Variants in CCDC60 observed in about 807,000 individuals in gnomAD.
CCDC60 encodes the protein coiled-coil domain-containing protein 60.
Under a neutral mutation model 63.5 loss-of-function variants are expected in CCDC60, and 54 were observed. That is an observed-to-expected ratio of 0.85 (90% confidence interval 0.68 to 1.07). The LOEUF (loss-of-function observed/expected upper bound fraction) is 1.07, where lower values mean the gene tolerates loss of function less well. Among genes scored for constraint, CCDC60 ranks in the 50% least tolerant of loss-of-function variants. The pLI is 0.00. For missense variants in CCDC60, 651 were observed against 684.3 expected, an observed-to-expected ratio of 0.95 and a Z score of 0.54; for synonymous variants, 206 against 238.8, an observed-to-expected ratio of 0.86 and a Z score of 1.27.
intron 11 of CCDC60, 145 bp from the exon 12 acceptor site, chr12:119,528,470 A>G: frequency 2.1e-6 from 2 of 930,334 alleles, no homozygotes; most frequent in Non-Finnish European, 3.3e-6. Context: ...GGCAAAAGCC[A>G]GAGCCTAAGT....
chr12:119,432,347 G>T (rs1384289068), intron 2 of CCDC60, among the ~76,000 whole-genome samples: 1 of 152,232 alleles, frequency 6.6e-6, no homozygotes, highest in Non-Finnish European at 1.5e-5. Flanking sequence ...GCCCAGAGAT[G>T]TTCCAGGCTT....
chr12:119,464,558 C>A (rs985900899), intron 2 of CCDC60, among the ~76,000 whole-genome samples: 5 of 152,120 alleles, frequency 3.3e-5, no homozygotes, highest in African/African-American at 9.7e-5. Flanking sequence ...GCCAAGGGAA[C>A]CCCCGAAAAA....
intron 6 of CCDC60, among the ~76,000 whole-genome samples, chr12:119,504,601 G>C (rs2136427692): frequency 6.6e-6 from 1 of 152,258 alleles, no homozygotes; most frequent in East Asian, 1.9e-4. Context: ...TTGAGGCCCA[G>C]GTGTCAACTG....
chr12:119,407,123 A>G (rs1956507388), intron 1 of CCDC60, among the ~76,000 whole-genome samples: 1 of 152,136 alleles, frequency 6.6e-6, no homozygotes, highest in African/African-American at 2.4e-5. Flanking sequence ...CTTGGCATGA[A>G]TGTCCCATCC....
intron 1 of CCDC60, among the ~76,000 whole-genome samples, chr12:119,381,730 G>A (rs532498076): frequency 6.6e-6 from 1 of 152,272 alleles, no homozygotes; most frequent in South Asian, 2.1e-4. Flanking sequence ...GAGAGTCGAA[G>A]TCACTCAAGG....
At chr12:119,353,456 C>A (rs1048911815) in intron 1 of CCDC60, among the ~76,000 whole-genome samples, 1 of 150,536 alleles carries the variant, frequency 6.6e-6, no homozygotes, top group Non-Finnish European at 1.5e-5. Context: ...CTCTCTCTCT[C>A]TCACTCTCTG....
At chr12:119,476,292 T>C (rs1951176538) in intron 3 of CCDC60, among the ~76,000 whole-genome samples, 2 of 152,150 alleles carry the variant, frequency 1.3e-5, no homozygotes, top group African/African-American at 4.8e-5. Context: ...ATTATTGTGG[T>C]TGAGAGAAGA....
intron 3 of CCDC60, among the ~76,000 whole-genome samples, chr12:119,472,590 T>A (rs904193645): frequency 2.0e-4 from 29 of 147,956 alleles, no homozygotes; most frequent in Middle Eastern, 3.4e-3. Flanking sequence ...TTTTTTTTTT[T>A]TTTTTTTTGA....
intron 1 of CCDC60, among the ~76,000 whole-genome samples, chr12:119,346,774 CTCTTTCT>C (rs1294232137): frequency 8.0e-6 from 1 of 125,296 alleles, no homozygotes; most frequent in Non-Finnish European, 1.6e-5. Context: ...ACTCATCTTT[CTCTTTCT>C]TTCTTTCTTT....
chr12:119,371,708 A>T (rs953479124), intron 1 of CCDC60, among the ~76,000 whole-genome samples: 1 of 152,100 alleles, frequency 6.6e-6, no homozygotes, highest in Admixed American at 6.6e-5. Context: ...GTGTTTCCTA[A>T]CCCCAGAGTT....
chr12:119,396,571 T>C (rs1174286323), intron 1 of CCDC60, among the ~76,000 whole-genome samples: 5 of 152,044 alleles, frequency 3.3e-5, no homozygotes, highest in Admixed American at 2.6e-4. Flanking sequence ...GTGAGTCCCA[T>C]TGGAAGAGAC....
intron 2 of CCDC60, among the ~76,000 whole-genome samples, chr12:119,453,120 C>T (rs558853698): frequency 6.6e-6 from 1 of 152,238 alleles, no homozygotes; most frequent in Admixed American, 6.5e-5. Context: ...AGCCACCATA[C>T]CCAGCCAGAA....
At chr12:119,345,124 A>G (rs1409490448) in intron 1 of CCDC60, among the ~76,000 whole-genome samples, 1 of 152,164 alleles carries the variant, frequency 6.6e-6, no homozygotes, top group Non-Finnish European at 1.5e-5. Context: ...CATCAGACGT[A>G]CAATTAAGAC....
At chr12:119,445,433 CAAAAAA>C (rs58415660) in intron 2 of CCDC60, among the ~76,000 whole-genome samples, 488 of 27,196 alleles carry the variant, frequency 0.018, 4 homozygotes, top group African/African-American at 0.071. Flanking sequence ...GACTCCATCT[CAAAAAA>C]AAAAAAAAAA....
intron 2 of CCDC60, among the ~76,000 whole-genome samples, chr12:119,468,681 TGAAAA>T (rs1265905594): frequency 5.1e-5 from 2 of 39,564 alleles, no homozygotes; most frequent in Non-Finnish European, 8.0e-5. Context: ...AACTAAACAA[TGAAAA>T]GAATTTTATT....
At chr12:119,435,910 G>C (rs1950315923) in intron 2 of CCDC60, among the ~76,000 whole-genome samples, 1 of 152,184 alleles carries the variant, frequency 6.6e-6, no homozygotes, top group African/African-American at 2.4e-5. Context: ...TCTCTCATAT[G>C]TTTGGAGGTC....
chr12:119,487,724 A>C (rs1280446898), intron 4 of CCDC60, among the ~76,000 whole-genome samples: 1 of 152,202 alleles, frequency 6.6e-6, no homozygotes, highest in Non-Finnish European at 1.5e-5. Flanking sequence ...ATAATAATTC[A>C]TACTCCAGCA....
intron 1 of CCDC60, among the ~76,000 whole-genome samples, chr12:119,411,787 C>A (rs901707251): frequency 6.6e-6 from 1 of 152,056 alleles, no homozygotes; most frequent in Non-Finnish European, 1.5e-5. Flanking sequence ...AAATACTTAG[C>A]ATGCCAAGGC....
intron 1 of CCDC60, among the ~76,000 whole-genome samples, chr12:119,359,384 A>T (rs1200562590): frequency 6.6e-6 from 1 of 152,218 alleles, no homozygotes; most frequent in Non-Finnish European, 1.5e-5. Context: ...ATGGTTTTAA[A>T]TACACCAAGA....
Sources: gnomAD v4.1 joint callset for allele counts (sites outside exome capture counted in the v4.1 genomes callset) on GRCh38, gnomAD v4.1.1 for gene constraint, MANE v1.5 for transcripts, NCBI Gene and HGNC (gene_info 2026-07-23, HGNC 2026-07-21) for gene names.